LHFPL3: variants seen among roughly 807,000 people sequenced by gnomAD.
LHFPL3 encodes LHFPL tetraspan subfamily member 3, also known as LHFPL tetraspan subfamily member 3 protein.
A neutral mutation model predicts 19.3 loss-of-function variants in LHFPL3; 5 were observed. The ratio of observed to expected loss-of-function variants is 0.26; its 90% CI spans 0.14 to 0.54. The LOEUF (loss-of-function observed/expected upper bound fraction) is 0.54, where lower values mean the gene tolerates loss of function less well. LHFPL3 is among the 20% of genes least tolerant of loss of function. The pLI, the probability that LHFPL3 is intolerant of heterozygous loss-of-function variation, is 0.94. For synonymous variants in LHFPL3, 133 were observed against 126.2 expected (o/e 1.05, Z -0.36); for missense variants, 249 against 307.4 (o/e 0.81, Z 1.42).
intron 2 of LHFPL3, among the ~76,000 whole-genome samples, chr7:104,822,571 T>C (rs1370998215): frequency 6.6e-6 from 1 of 152,196 alleles, no homozygotes; most frequent in African/African-American, 2.4e-5. Flanking sequence ...ACCCAAAATA[T>C]CTTCAGTCAT....
intron 1 of LHFPL3, among the ~76,000 whole-genome samples, chr7:104,442,063 T>G (rs1792235877): frequency 6.6e-6 from 1 of 152,174 alleles, no homozygotes; most frequent in Non-Finnish European, 1.5e-5. Flanking sequence ...CTTATCTTTT[T>G]TTTTTCTTTT....
chr7:104,575,277 T>A (rs1423957429), intron 1 of LHFPL3, among the ~76,000 whole-genome samples: 1 of 152,196 alleles, frequency 6.6e-6, no homozygotes, highest in African/African-American at 2.4e-5. Context: ...GTTTCCACTG[T>A]ACCATTTTCT....
At chr7:104,579,307 G>A (rs963211527) in intron 1 of LHFPL3, among the ~76,000 whole-genome samples, 1 of 152,036 alleles carries the variant, frequency 6.6e-6, no homozygotes, top group Non-Finnish European at 1.5e-5. Context: ...CCCTTACCCT[G>A]TTTCCTCCCT....
At chr7:104,341,403 A>G (rs1789949881) in intron 1 of LHFPL3, among the ~76,000 whole-genome samples, 1 of 152,250 alleles carries the variant, frequency 6.6e-6, no homozygotes. Flanking sequence ...CAAGTTTGCT[A>G]TGACTACATC....
intron 1 of LHFPL3, among the ~76,000 whole-genome samples, chr7:104,619,030 G>A (rs909507331): frequency 2.0e-4 from 30 of 152,302 alleles, no homozygotes; most frequent in African/African-American, 7.0e-4. Flanking sequence ...TATCATGATT[G>A]TATCAGGAGC....
intron 2 of LHFPL3, among the ~76,000 whole-genome samples, chr7:104,798,776 T>C (rs1790185059): frequency 1.3e-5 from 2 of 152,210 alleles, no homozygotes; most frequent in African/African-American, 4.8e-5. Context: ...ATAATAGCTA[T>C]AATACCTCTT....
chr7:104,609,079 A>G (rs1031648568), intron 1 of LHFPL3, among the ~76,000 whole-genome samples: 16 of 152,002 alleles, frequency 1.1e-4, no homozygotes, highest in African/African-American at 3.9e-4. Context: ...AGCCTGACCA[A>G]CATGGTGAAA....
intron 1 of LHFPL3, among the ~76,000 whole-genome samples, chr7:104,596,027 A>G (rs979404253): frequency 1.3e-5 from 2 of 152,210 alleles, no homozygotes; most frequent in African/African-American, 2.4e-5. Context: ...GGGTGAGACA[A>G]TACCCCACCC....
At chr7:104,379,485 A>G (rs1790782100) in intron 1 of LHFPL3, among the ~76,000 whole-genome samples, 1 of 152,314 alleles carries the variant, frequency 6.6e-6, no homozygotes, top group South Asian at 2.1e-4. Context: ...CTTAAGGATA[A>G]TGATGCATTG....
At chr7:104,544,507 T>C (rs1794544392) in intron 1 of LHFPL3, among the ~76,000 whole-genome samples, 1 of 152,188 alleles carries the variant, frequency 6.6e-6, no homozygotes, top group African/African-American at 2.4e-5. Flanking sequence ...TGTAACATTT[T>C]CTTCTCCAGT....
intron 1 of LHFPL3, among the ~76,000 whole-genome samples, chr7:104,585,215 C>T (rs943151871): frequency 3.9e-5 from 6 of 151,918 alleles, no homozygotes; most frequent in East Asian, 1.9e-4. Flanking sequence ...TGGTACCTGG[C>T]GACTACCACA....
chr7:104,753,904 T>A (rs1794226851), intron 2 of LHFPL3, among the ~76,000 whole-genome samples: 1 of 152,226 alleles, frequency 6.6e-6, no homozygotes, highest in Admixed American at 6.5e-5. Flanking sequence ...AGATTTGCCT[T>A]CACGTGCTGC....
chr7:104,800,868 T>C (rs1790232069), intron 2 of LHFPL3, among the ~76,000 whole-genome samples: 1 of 152,098 alleles, frequency 6.6e-6, no homozygotes, highest in African/African-American at 2.4e-5. Context: ...CAATAAAAGA[T>C]CCAGATAAGC....
chr7:104,823,647 T>C (rs1790721030), intron 2 of LHFPL3, among the ~76,000 whole-genome samples: 1 of 152,126 alleles, frequency 6.6e-6, no homozygotes, highest in Non-Finnish European at 1.5e-5. Context: ...TCAGAAACAT[T>C]AAAGAGCCTA....
At chr7:104,545,964 C>T (rs1169832822) in intron 1 of LHFPL3, among the ~76,000 whole-genome samples, 1 of 152,044 alleles carries the variant, frequency 6.6e-6, no homozygotes, top group Non-Finnish European at 1.5e-5. Context: ...TGAATATGTC[C>T]AGACACTAAA....
At chr7:104,813,094 A>G (rs962764842) in intron 2 of LHFPL3, among the ~76,000 whole-genome samples, 6 of 152,062 alleles carry the variant, frequency 3.9e-5, no homozygotes, top group South Asian at 2.1e-4. Flanking sequence ...AGGCTAGGCA[A>G]CAGAGCAAGA....
In LHFPL3 at chr7:104,669,572, A is replaced by C. The variant is rs1792431560; in HGVS notation, c.446-67103A>C. The C allele has an allele frequency of 2.5e-6, 4 of 1,611,652 alleles. No homozygotes were observed. In the East Asian group the frequency reaches 8.9e-5, roughly 36 times the overall value. On this transcript the variant is annotated intron_variant, in intron 1 of 2. Coordinates refer to ENST00000424859, the MANE Select transcript of LHFPL3 (RefSeq NM_199000.3). ...GAAAATGAGGGAGAAGATTATGCCA[A>C]ATAGACCTCTACATCCTGTGCTTTT...
chr7:104,688,706 T>C (rs994493785), intron 1 of LHFPL3, among the ~76,000 whole-genome samples: 6 of 152,122 alleles, frequency 3.9e-5, no homozygotes, highest in Admixed American at 3.9e-4. Context: ...GACAAGCTGA[T>C]TCTCCTCAGG....
intron 2 of LHFPL3, among the ~76,000 whole-genome samples, chr7:104,847,515 A>G (rs530466142): frequency 6.6e-6 from 1 of 152,124 alleles, no homozygotes; most frequent in East Asian, 1.9e-4. Flanking sequence ...TTTTATGGTG[A>G]ATTTTTTTTC....
Sources: gnomAD v4.1 joint callset for allele counts (sites outside exome capture counted in the v4.1 genomes callset) on GRCh38, gnomAD v4.1.1 for gene constraint, MANE v1.5 for transcripts, NCBI Gene and HGNC (gene_info 2026-07-23, HGNC 2026-07-21) for gene names.